GNA12: variants seen among roughly 807,000 people sequenced by gnomAD.
The protein encoded by GNA12 is G protein subunit alpha 12, also known as guanine nucleotide-binding protein subunit alpha-12.
In GNA12, 9 loss-of-function variants were observed where a neutral mutation model predicts 26.0. The ratio of observed to expected loss-of-function variants is 0.35; its 90% CI spans 0.21 to 0.60. GNA12 has a LOEUF of 0.60. Among genes scored for constraint, GNA12 ranks in the 20% least tolerant of loss-of-function variants. The pLI is 0.78. For synonymous variants in GNA12, 264 were observed against 219.6 expected (o/e 1.20, Z -1.79); for missense variants, 405 against 525.8 (o/e 0.77, Z 2.25).
At chr7:2,814,948 C>A in intron 1 of GNA12, 1 of 1,572,690 alleles carries the variant, frequency 6.4e-7, no homozygotes, top group Non-Finnish European at 8.6e-7. Flanking sequence ...GCCTACAATA[C>A]AGTAGGCGCT....
At chr7:2,785,772 T>C (rs1379366365) in intron 2 of GNA12, among the ~76,000 whole-genome samples, 2 of 152,108 alleles carry the variant, frequency 1.3e-5, no homozygotes, top group Non-Finnish European at 2.9e-5. Flanking sequence ...AATAAAAAGG[T>C]ACAATGGCTC....
chr7:2,792,378 G>A (rs1792542417), intron 2 of GNA12, among the ~76,000 whole-genome samples: 1 of 152,176 alleles, frequency 6.6e-6, no homozygotes, highest in Non-Finnish European at 1.5e-5. Flanking sequence ...CAATACAAGG[G>A]CTTGACTTCC....
chr7:2,759,748 A>C (rs1192043092), intron 2 of GNA12, among the ~76,000 whole-genome samples: 1 of 152,236 alleles, frequency 6.6e-6, no homozygotes, highest in Non-Finnish European at 1.5e-5. Flanking sequence ...AAAAAGAGCA[A>C]AAGAGAAAAA....
chr7:2,760,765 C>T (rs1158413594), intron 2 of GNA12, among the ~76,000 whole-genome samples: 1 of 152,254 alleles, frequency 6.6e-6, no homozygotes, highest in African/African-American at 2.4e-5. Context: ...CCTCTAGGGA[C>T]AGCGTCGAGC....
At chr7:2,755,351 C>A (rs1202934068) in intron 2 of GNA12, among the ~76,000 whole-genome samples, 1 of 152,238 alleles carries the variant, frequency 6.6e-6, no homozygotes, top group Non-Finnish European at 1.5e-5. Flanking sequence ...CAGGGGAGAA[C>A]AGACATCTTG....
At chr7:2,754,989 T>A (rs950971319) in intron 2 of GNA12, among the ~76,000 whole-genome samples, 6 of 152,226 alleles carry the variant, frequency 3.9e-5, no homozygotes, top group Admixed American at 1.3e-4. Context: ...CAAGGTTCAC[T>A]TTTTCTTCCC....
At chr7:2,762,517 A>C in intron 2 of GNA12, 2 of 1,046,170 alleles carry the variant, frequency 1.9e-6, no homozygotes, top group Non-Finnish European at 2.7e-6. Flanking sequence ...ACTGTGGACT[A>C]CAAAAGCAGT....
At chr7:2,762,894 C>T in intron 2 of GNA12, 2 of 1,427,456 alleles carry the variant, frequency 1.4e-6, no homozygotes, top group Non-Finnish European at 1.8e-6. Flanking sequence ...GCCATTGGTG[C>T]TGCGGCGGGG....
chr7:2,784,158 C>T (rs1792302965), intron 2 of GNA12, among the ~76,000 whole-genome samples: 1 of 152,220 alleles, frequency 6.6e-6, no homozygotes, highest in Non-Finnish European at 1.5e-5. Flanking sequence ...TGCTTTGTCA[C>T]TGAGGCTGAG....
At chr7:2,797,325 G>C (rs115720111) in intron 1 of GNA12, among the ~76,000 whole-genome samples, 7 of 151,990 alleles carry the variant, frequency 4.6e-5, no homozygotes, top group African/African-American at 1.7e-4. Flanking sequence ...TAAGATTTTC[G>C]TAGAGTCAGG....
At chr7:2,753,460 CT>C in intron 2 of GNA12, among the ~76,000 whole-genome samples, 1 of 152,290 alleles carries the variant, frequency 6.6e-6, no homozygotes, top group Middle Eastern at 3.4e-3. Flanking sequence ...TGGAAGTTGG[CT>C]TTTTTCACTC....
intron 2 of GNA12, among the ~76,000 whole-genome samples, chr7:2,747,530 A>G (rs1290981349): frequency 6.6e-6 from 1 of 152,046 alleles, no homozygotes; most frequent in Non-Finnish European, 1.5e-5. Flanking sequence ...TCAAAATAAT[A>G]AGAGCTATCT....
chr7:2,773,355 G>C (rs1791995279), intron 2 of GNA12, among the ~76,000 whole-genome samples: 1 of 152,230 alleles, frequency 6.6e-6, no homozygotes, highest in Non-Finnish European at 1.5e-5. Flanking sequence ...CTGAGGTTGG[G>C]AGTTTGAGAC....
rs540045411 is a variant in GNA12 at position 2,746,800 on chromosome 7, G to C, written c.526-13299C>G. Among the ~76,000 whole-genome samples the C allele has an allele frequency of 1.1e-3, 163 of 151,360 alleles. 1 individual carries two copies. Among genetic ancestry groups the C allele is most frequent in the African/African-American group, 3.9e-3 (160 of 41,206 alleles). The stretch of plus-strand genomic sequence containing the variant: ...GACTAATAAAGAAGAAAAGAGAGAA[G>C]AATCAAATAGATGCAATAAAAAATG... On this transcript the variant is annotated intron_variant, in intron 2 of 3. Coordinates refer to ENST00000275364, the MANE Select transcript of GNA12 (RefSeq NM_007353.3).
intron 2 of GNA12, among the ~76,000 whole-genome samples, chr7:2,755,199 T>C (rs992125341): frequency 2.0e-5 from 3 of 151,984 alleles, no homozygotes; most frequent in Non-Finnish European, 4.4e-5. Flanking sequence ...TCAGGGAGAG[T>C]GGCCCCTCCC....
At chr7:2,758,617 C>T (rs1346797346) in intron 2 of GNA12, among the ~76,000 whole-genome samples, 1 of 152,134 alleles carries the variant, frequency 6.6e-6, no homozygotes, top group East Asian at 1.9e-4. Flanking sequence ...TTCAAGGAAC[C>T]TGGGGGAACC....
At chr7:2,747,722 A>C (rs1042769703) in intron 2 of GNA12, among the ~76,000 whole-genome samples, 2 of 152,232 alleles carry the variant, frequency 1.3e-5, no homozygotes, top group Non-Finnish European at 2.9e-5. Context: ...GAAAAGAGGA[A>C]GTCAAATTGT....
intron 1 of GNA12, among the ~76,000 whole-genome samples, chr7:2,800,228 C>G (rs1792776387): frequency 6.6e-6 from 1 of 152,218 alleles, no homozygotes; most frequent in African/African-American, 2.4e-5. Flanking sequence ...AAGTCAGTCT[C>G]AAAAGATCAC....
chr7:2,767,111 T>TA (rs1384489687), intron 2 of GNA12, among the ~76,000 whole-genome samples: 1 of 152,258 alleles, frequency 6.6e-6, no homozygotes, highest in African/African-American at 2.4e-5. Flanking sequence ...TGTTGAGTTG[T>TA]AGGAGTCTTC....
Sources: allele counts gnomAD v4.1 joint callset (sites outside exome capture counted in the v4.1 genomes callset), GRCh38; gene constraint gnomAD v4.1.1; transcripts MANE v1.5; gene names NCBI Gene and HGNC (gene_info 2026-07-23, HGNC 2026-07-21).